FRMD4B: variants seen among roughly 807,000 people sequenced by gnomAD.
FRMD4B encodes the protein FERM domain containing 4B, also known as FERM domain-containing protein 4B.
FRMD4B carries 74 observed loss-of-function variants against 141.5 expected under a neutral mutation model. The ratio of observed to expected loss-of-function variants is 0.52; its 90% CI spans 0.43 to 0.63. The LOEUF is 0.63. Ranked by LOEUF, FRMD4B falls within the 30% of genes least tolerant of loss-of-function variation. The pLI is 0.00. For synonymous variants in FRMD4B, 506 were observed against 467.9 expected, an observed-to-expected ratio of 1.08 and a Z score of -1.05; for missense variants, 1,366 against 1,253.4, an observed-to-expected ratio of 1.09 and a Z score of -1.36.
At chr3:69,432,940 A>G (rs1301681566) in intron 1 of FRMD4B, 3 of 152,222 alleles carry the variant, frequency 2.0e-5, no homozygotes, top group South Asian at 2.1e-4. Flanking sequence ...CTCTCGAAAT[A>G]CAGATGAAAT....
chr3:69,386,906 T>C (rs1287265289), upstream of FRMD4B, among the ~76,000 whole-genome samples: 1 of 152,132 alleles, frequency 6.6e-6, no homozygotes, highest in Non-Finnish European at 1.5e-5. Context: ...GTGGTTTAGT[T>C]CTGGAAAATT....
At chr3:69,313,889 C>T in intron 1 of FRMD4B, among the ~76,000 whole-genome samples, 1 of 150,262 alleles carries the variant, frequency 6.7e-6, no homozygotes, top group South Asian at 2.1e-4. Context: ...CCTGTAATCC[C>T]AGCACTTTGG....
chr3:69,300,856 C>T (rs903675717), intron 4 of FRMD4B, among the ~76,000 whole-genome samples: 2 of 152,130 alleles, frequency 1.3e-5, no homozygotes, highest in African/African-American at 2.4e-5. Flanking sequence ...CTGCCTCAGC[C>T]TCTGGAGTAG....
At chr3:69,285,130 T>A (rs1243224112) in intron 5 of FRMD4B, among the ~76,000 whole-genome samples, 1 of 152,072 alleles carries the variant, frequency 6.6e-6, no homozygotes, top group Non-Finnish European at 1.5e-5. Flanking sequence ...GCCACCGCAC[T>A]CCAGCCTGGG....
chr3:69,339,170 A>AT (rs1025065644), intron 1 of FRMD4B, among the ~76,000 whole-genome samples: 17 of 151,032 alleles, frequency 1.1e-4, no homozygotes, highest in Admixed American at 7.3e-4. Context: ...CATTTCCTTT[A>AT]TTTTTTTTTC....
chr3:69,289,906 G>A (rs930774844), intron 4 of FRMD4B, among the ~76,000 whole-genome samples: 4 of 152,150 alleles, frequency 2.6e-5, no homozygotes, highest in Admixed American at 6.5e-5. Flanking sequence ...AACAACTTTT[G>A]TAACTGTCCC....
Position 69,249,096 on chromosome 3 carries a change from A to G in FRMD4B, c.581+130T>C, listed in dbSNP as rs920604896. ...GAATAGGTCTCTATTTGAAGAGCGA[A>G]GAGATCTCAGTCTCCTGCCTTACAG... is the stretch of plus-strand genomic sequence containing the variant. On this transcript the variant is annotated intron_variant, in intron 7 of 22. Transcript: ENST00000398540. The G allele has an allele frequency of 1.3e-5, 8 of 609,270 alleles. No homozygotes were observed. In the African/African-American group the frequency reaches 1.6e-4, roughly 12 times the overall value. The allele number at this position is 609,270 out of a possible 1,614,324, so 37.7% of individuals were successfully genotyped here.
At chr3:69,281,593 A>T (rs1002954085) in intron 5 of FRMD4B, among the ~76,000 whole-genome samples, 1 of 152,030 alleles carries the variant, frequency 6.6e-6, no homozygotes, top group African/African-American at 2.4e-5. Context: ...TGGGAGGCTG[A>T]GGCGGGTGGA....
intron 1 of FRMD4B, among the ~76,000 whole-genome samples, chr3:69,315,475 A>T (rs1421033788): frequency 6.6e-6 from 1 of 152,206 alleles, no homozygotes; most frequent in Non-Finnish European, 1.5e-5. Context: ...ACCATCCAGA[A>T]ATTTGATATA....
chr3:69,455,961 C>T (rs111848228), intron 1 of FRMD4B, among the ~76,000 whole-genome samples: 1 of 152,138 alleles, frequency 6.6e-6, no homozygotes, highest in African/African-American at 2.4e-5. Context: ...TAAATCAGAA[C>T]CACTTGCCAT....
intron 2 of FRMD4B, among the ~76,000 whole-genome samples, chr3:69,413,855 T>G (rs1458847422): frequency 1.3e-5 from 2 of 152,150 alleles, no homozygotes; most frequent in African/African-American, 4.8e-5. Flanking sequence ...TGTAAACGGC[T>G]CCTACGTGTT....
At chr3:69,506,827 G>A (rs1354082844) in intron 1 of FRMD4B, among the ~76,000 whole-genome samples, 6 of 77,772 alleles carry the variant, frequency 7.7e-5, no homozygotes, top group African/African-American at 3.2e-4. Flanking sequence ...TACGGGGTGA[G>A]CTACAGTACC....
chr3:69,375,411 A>C (rs1464452263), intron 1 of FRMD4B, among the ~76,000 whole-genome samples: 1 of 152,178 alleles, frequency 6.6e-6, no homozygotes, highest in South Asian at 2.1e-4. Context: ...ATATTAATAC[A>C]TTTAACTTTT....
chr3:69,462,891 C>T (rs1705727236), intron 1 of FRMD4B, among the ~76,000 whole-genome samples: 1 of 152,218 alleles, frequency 6.6e-6, no homozygotes. Flanking sequence ...TCCCAAGACA[C>T]CCCTGGAAGA....
At chr3:69,497,374 A>G (rs1343368574) in intron 1 of FRMD4B, among the ~76,000 whole-genome samples, 1 of 152,208 alleles carries the variant, frequency 6.6e-6, no homozygotes, top group East Asian at 1.9e-4. Flanking sequence ...GTATAAATCT[A>G]GAGCACCTAT....
At chr3:69,216,139 G>C in intron 11 of FRMD4B, 124 bp downstream of exon 11, 1 of 562,156 alleles carries the variant, frequency 1.8e-6, no homozygotes, top group East Asian at 3.3e-5. Flanking sequence ...GGGCGACAAA[G>C]TGAGACTCCA....
At chr3:69,410,962 A>G (rs1009536749) in intron 2 of FRMD4B, among the ~76,000 whole-genome samples, 3 of 151,926 alleles carry the variant, frequency 2.0e-5, no homozygotes, top group Non-Finnish European at 4.4e-5. Context: ...GGCCTATAGA[A>G]GAGGGGCTGT....
intron 4 of FRMD4B, among the ~76,000 whole-genome samples, chr3:69,293,489 A>G (rs1472408129): frequency 1.5e-5 from 2 of 137,570 alleles, no homozygotes; most frequent in South Asian, 2.5e-4. Flanking sequence ...GGCGGTGACT[A>G]TTAGAATATT....
intron 1 of FRMD4B, among the ~76,000 whole-genome samples, chr3:69,333,115 T>A (rs1405234273): frequency 6.6e-6 from 1 of 152,134 alleles, no homozygotes; most frequent in Non-Finnish European, 1.5e-5. Context: ...TCCATCGTTA[T>A]GGTCTTGGCT....
Sources: gnomAD v4.1 joint callset for allele counts (sites outside exome capture counted in the v4.1 genomes callset) on GRCh38, gnomAD v4.1.1 for gene constraint, MANE v1.5 for transcripts, NCBI Gene and HGNC (gene_info 2026-07-23, HGNC 2026-07-21) for gene names.